The following SLC49A3 variants were observed in gnomAD, a reference collection of about 807,000 sequenced individuals.
The protein encoded by SLC49A3 is solute carrier family 49 member A3.
Under a neutral mutation model 43.8 loss-of-function variants are expected in SLC49A3, and 50 were observed. The ratio of observed to expected loss-of-function variants is 1.14; its 90% CI spans 0.91 to 1.45. SLC49A3 has a LOEUF of 1.45. SLC49A3 is among the 40% of genes most tolerant of loss of function. The pLI is 0.00. For synonymous variants in SLC49A3, 413 were observed against 352.0 expected (o/e 1.17, Z -1.94); for missense variants, 906 against 774.1 (o/e 1.17, Z -2.02).
At chr4:683,579 AG>A (rs1403139403) in intron 7 of SLC49A3, 29 bp downstream of exon 7, 2 of 1,394,936 alleles carry the variant, frequency 1.4e-6, no homozygotes, top group Non-Finnish European at 2.0e-6. Context: ...CCACCCCCAC[AG>A]GGCAGTCTTG....
intron 3 of SLC49A3, 45 bp downstream of exon 3, chr4:686,044 C>T (rs373786337): frequency 1.2e-6 from 2 of 1,610,964 alleles, no homozygotes; most frequent in Non-Finnish European, 1.7e-6. Flanking sequence ...TCTGTGTGGA[C>T]CCTGAGGTGA....
downstream of SLC49A3, chr4:680,070 G>A (rs1340576743): frequency 7.0e-7 from 1 of 1,428,074 alleles, no homozygotes; most frequent in Middle Eastern, 1.8e-4. Flanking sequence ...CTAACAGTTA[G>A]AGATCCGGAC....
chr4:684,810 G>T lies in SLC49A3; in HGVS notation c.632C>A (p.Thr211Asn). 1 of 1,612,604 alleles carries T rather than the reference G, an allele frequency of 6.2e-7. No individual in the cohort carries two copies. Among genetic ancestry groups the T allele is most frequent in the Non-Finnish European group, 8.5e-7 (1 of 1,179,918 alleles). The change falls in exon 5 of 10, where the codon ACC becomes AAC. Residue 211 changes from threonine (T) to asparagine (N), a missense_variant. Thr to Asn is a moderately conservative substitution (Grantham distance 65). Coordinates refer to ENST00000322224, the MANE Select transcript of SLC49A3 (RefSeq NM_032219.4). ...IPAGVVCLLS[T>N]ICLWESVPPT... is the part of the protein sequence containing the mutation. ...GGGCACACTCTCCCACAGGCAGATG[G>T]TGGACAGCAGGCAGACGACGCCAGC... is the stretch of plus-strand genomic sequence containing the variant.
intron 1 of SLC49A3, among the ~76,000 whole-genome samples, chr4:687,626 T>A (rs1741315625): frequency 6.6e-6 from 1 of 152,182 alleles, no homozygotes; most frequent in Non-Finnish European, 1.5e-5. Context: ...CACAGCTGAC[T>A]CACTGAGAAG....
At chr4:684,933 C>A in intron 4 of SLC49A3, 77 bp from the exon 5 acceptor site, 2 of 1,516,010 alleles carry the variant, frequency 1.3e-6, no homozygotes, top group Non-Finnish European at 8.8e-7. Flanking sequence ...CTGTCCCAGG[C>A]GCCACCTCCC....
upstream of SLC49A3, chr4:689,189 C>G: frequency 8.3e-7 from 1 of 1,198,308 alleles, no homozygotes; most frequent in Non-Finnish European, 1.0e-6. Flanking sequence ...AGGACCTTCC[C>G]GCGTGGGCCG....
chr4:684,371 A>G, intron 6 of SLC49A3, 112 bp downstream of exon 6: 1 of 1,435,928 alleles, frequency 7.0e-7, no homozygotes, highest in Non-Finnish European at 9.5e-7. Flanking sequence ...GAAGGGTGTC[A>G]ATGTGGCCCC....
At chr4:686,427 G>A in intron 2 of SLC49A3, 105 bp downstream of exon 2, 4 of 1,564,244 alleles carry the variant, frequency 2.6e-6, no homozygotes, top group Admixed American at 1.8e-5. Context: ...GTCCCCAGCT[G>A]TTGGGACTGG....
Position 682,898 on chromosome 4 carries a change from C to T in SLC49A3, c.1152-8G>A. On this transcript the variant is annotated splice_region_variant and splice_polypyrimidine_tract_variant and intron_variant, in intron 8 of 9. Coordinates refer to ENST00000322224, the MANE Select transcript of SLC49A3 (RefSeq NM_032219.4). ...AGTATTCCCTCGGCCTGCCTGGACA[C>T]ACGTGGCCCTCAGCCCCCGCTGCAC... 3.2e-6 allele frequency: 5 copies of T among 1,578,992 alleles called. No homozygotes were observed. The highest frequency in any genetic ancestry group is 4.3e-6 in the Non-Finnish European group (5 of 1,158,928).
chr4:684,335 G>C (rs1376092245), intron 6 of SLC49A3, 148 bp downstream of exon 6: 4 of 1,080,038 alleles, frequency 3.7e-6, no homozygotes, highest in Non-Finnish European at 5.3e-6. Flanking sequence ...TGTCACACAG[G>C]GCATCTCGGG....
chr4:680,878 C>T, downstream of SLC49A3: 1 of 649,334 alleles, frequency 1.5e-6, no homozygotes, highest in East Asian at 2.7e-5. Flanking sequence ...GGCCTGTAAC[C>T]TCCTTCCGGC....
chr4:688,844 A>C, intron 1 of SLC49A3, 149 bp downstream of exon 1: 1 of 1,283,600 alleles, frequency 7.8e-7, no homozygotes, highest in Non-Finnish European at 1.0e-6. Flanking sequence ...CAGTGCCCCC[A>C]GTGCCCGCAA....
At chr4:689,309 C>CA, upstream of SLC49A3, 1 of 355,830 alleles carries the variant, frequency 2.8e-6, no homozygotes, top group Non-Finnish European at 4.9e-6. Flanking sequence ...AAAGGAGACC[C>CA]AAAAAAGCGG....
downstream of SLC49A3, chr4:678,845 G>A (rs1739128725): frequency 1.2e-6 from 2 of 1,607,560 alleles, no homozygotes; most frequent in Admixed American, 3.4e-5. Context: ...TGGCTCCAGG[G>A]CCAGCAGGAG....
At chr4:683,065 C>T in intron 8 of SLC49A3, 145 bp downstream of exon 8, 1 of 1,207,404 alleles carries the variant, frequency 8.3e-7, no homozygotes, top group Non-Finnish European at 1.2e-6. Flanking sequence ...AGCAGGTGCT[C>T]AGAACCTGCT....
chr4:679,095 C>A, downstream of SLC49A3: 2 of 1,478,270 alleles, frequency 1.4e-6, no homozygotes, highest in Non-Finnish European at 9.4e-7. Context: ...GGTCCTCCAG[C>A]TCCAGACGCC....
At position 681,906 on chromosome 4, in the gene SLC49A3, T is replaced by C; in HGVS notation, c.*52A>G. On this transcript the variant is annotated 3_prime_UTR_variant, in exon 10 of 10. Coordinates refer to ENST00000322224, the MANE Select transcript of SLC49A3 (RefSeq NM_032219.4). ...CCCCGCCCGCAGGTGGACCAGATGT[T>C]CCAGTTCGCCTCCATCGATGTGGCG... 7.6e-7 allele frequency: 1 copy of C among 1,317,282 alleles called. No homozygotes were observed. The highest frequency in any genetic ancestry group is 9.8e-7 in the Non-Finnish European group (1 of 1,023,530). The allele number at this position is 1,317,282 out of a possible 1,614,324, so 81.6% of individuals were successfully genotyped here.
downstream of SLC49A3, among the ~76,000 whole-genome samples, chr4:681,626 C>T (rs564697156): frequency 0.086 from 6,626 of 76,806 alleles, 530 homozygotes; most frequent in Middle Eastern, 0.1. Flanking sequence ...CGCCGCCCCG[C>T]CCCCTCCAGC....
chr4:679,154 A>T, downstream of SLC49A3: 2 of 670,612 alleles, frequency 3.0e-6, no homozygotes, highest in Non-Finnish European at 4.4e-6. Context: ...GAGGCCCACC[A>T]ACGGCCCTGA....
Sources: gnomAD v4.1 joint callset for allele counts (sites outside exome capture counted in the v4.1 genomes callset) on GRCh38, gnomAD v4.1.1 for gene constraint, MANE v1.5 for transcripts, NCBI Gene and HGNC (gene_info 2026-07-23, HGNC 2026-07-21) for gene names.